The following ATRX variants were observed in gnomAD, a reference collection of about 807,000 sequenced individuals.
ATRX encodes the protein ATRX chromatin remodeler.
Under a neutral mutation model 172.6 loss-of-function variants are expected in ATRX, and 12 were observed. The observed-to-expected ratio is 0.07, with a 90% confidence interval of 0.04 to 0.11. ATRX has a LOEUF of 0.11. ATRX is among the 10% of genes least tolerant of loss of function. The pLI, the probability that ATRX is intolerant of heterozygous loss-of-function variation, is 1.00. For missense variants in ATRX, 1,368 were observed against 1,767.4 expected (o/e 0.77, Z 4.05); for synonymous variants, 674 against 594.7 (o/e 1.13, Z -1.94).
chrX:77,553,443 G>A (rs1207083828), intron 30 of ATRX, among the ~76,000 whole-genome samples: 2 of 111,101 alleles, frequency 1.8e-5, no homozygotes, highest in East Asian at 2.8e-4. Context: ...AAAATGTGAC[G>A]GTAGTCTCTT....
At chrX:77,517,403 A>G (rs2059180599) in intron 34 of ATRX, among the ~76,000 whole-genome samples, 1 of 111,725 alleles carries the variant, frequency 9.0e-6, no homozygotes, top group Non-Finnish European at 1.9e-5. Context: ...AACTACATGC[A>G]AAAAATTGGA....
chrX:77,778,539 G>A (rs1319609202), intron 1 of ATRX, among the ~76,000 whole-genome samples: 2 of 109,739 alleles, frequency 1.8e-5, no homozygotes, highest in Non-Finnish European at 3.8e-5. Flanking sequence ...TGGCCAACAC[G>A]GTGAAATCCC....
chrX:77,698,844 G>A (rs978894243), intron 2 of ATRX: 6 of 436,892 alleles, frequency 1.4e-5, no homozygotes, highest in Non-Finnish European at 2.5e-5. Context: ...TGAAATCTCT[G>A]TAAAGATTAC....
intron 22 of ATRX, among the ~76,000 whole-genome samples, chrX:77,610,470 G>A (rs782002029): frequency 4.5e-5 from 5 of 111,697 alleles, no homozygotes; most frequent in Non-Finnish European, 9.4e-5. Context: ...GAGATCTTGA[G>A]ACGTGGTTGA....
chrX:77,684,712 T>G (rs2071456430), intron 8 of ATRX, 119 bp from the exon 9 acceptor site: 3 of 922,176 alleles, frequency 3.3e-6, no homozygotes, highest in Non-Finnish European at 4.5e-6. Context: ...TTTGTTATAA[T>G]GCAATTTAAA....
intron 30 of ATRX, among the ~76,000 whole-genome samples, chrX:77,550,905 C>A (rs1421316202): frequency 1.8e-5 from 2 of 111,509 alleles, no homozygotes; most frequent in African/African-American, 6.5e-5. Flanking sequence ...ATCCAACTTA[C>A]AAGGGATGTG....
intron 1 of ATRX, among the ~76,000 whole-genome samples, chrX:77,777,531 G>C (rs1455872766): frequency 8.9e-6 from 1 of 112,001 alleles, no homozygotes; most frequent in African/African-American, 3.2e-5. Flanking sequence ...TTTGTCGTAT[G>C]CTTCAAATTG....
At chrX:77,591,980 T>C (rs782307065) in intron 26 of ATRX, among the ~76,000 whole-genome samples, 5 of 112,127 alleles carry the variant, frequency 4.5e-5, no homozygotes, top group African/African-American at 6.5e-5. Flanking sequence ...TAGGATTAAA[T>C]GTCTATACTA....
At chrX:77,698,720 A>C in intron 2 of ATRX, 91 bp from the exon 3 acceptor site, 1 of 714,440 alleles carries the variant, frequency 1.4e-6, no homozygotes, top group East Asian at 3.3e-5. Flanking sequence ...ACCCATTCTC[A>C]CACTATGAAG....
intron 1 of ATRX, among the ~76,000 whole-genome samples, chrX:77,731,422 T>C (rs2034725966): frequency 9.0e-6 from 1 of 111,693 alleles, no homozygotes; most frequent in Non-Finnish European, 1.9e-5. Context: ...GATCTAATAC[T>C]GATAGAGGCA....
intron 1 of ATRX, among the ~76,000 whole-genome samples, chrX:77,745,314 T>C (rs1387791517): frequency 9.2e-6 from 1 of 108,590 alleles, no homozygotes; most frequent in East Asian, 2.9e-4. Flanking sequence ...CTATTCACAA[T>C]AACCAAGATT....
intron 15 of ATRX, among the ~76,000 whole-genome samples, chrX:77,650,986 A>G (rs1487658957): frequency 2.7e-5 from 3 of 111,377 alleles, no homozygotes; most frequent in African/African-American, 9.8e-5. Flanking sequence ...ATCTTTTAAC[A>G]ATACATTCCC....
intron 12 of ATRX, among the ~76,000 whole-genome samples, chrX:77,661,323 T>C (rs2069881053): frequency 8.9e-6 from 1 of 111,739 alleles, no homozygotes; most frequent in Non-Finnish European, 1.9e-5. Flanking sequence ...GTGTGGTTTG[T>C]GAGTTATATC....
At chrX:77,666,257 A>G (rs1245225040) in intron 10 of ATRX, among the ~76,000 whole-genome samples, 1 of 112,022 alleles carries the variant, frequency 8.9e-6, no homozygotes, top group African/African-American at 3.2e-5. Flanking sequence ...ATTTCAATAA[A>G]GTGAAGATTA....
chrX:77,710,065 G>A (rs937460603), intron 2 of ATRX, among the ~76,000 whole-genome samples: 1 of 109,575 alleles, frequency 9.1e-6, no homozygotes, highest in Non-Finnish European at 1.9e-5. Context: ...TTGGGAGGCC[G>A]AGGTGGGTGG....
intron 34 of ATRX, among the ~76,000 whole-genome samples, chrX:77,513,118 C>A (rs1230466374): frequency 9.2e-6 from 1 of 108,693 alleles, no homozygotes; most frequent in Non-Finnish European, 1.9e-5. Flanking sequence ...GAGACTGAGA[C>A]CATCCTGGTT....
chrX:77,707,480 C>G (rs1557157714), intron 2 of ATRX, among the ~76,000 whole-genome samples: 1 of 112,524 alleles, frequency 8.9e-6, no homozygotes, highest in Non-Finnish European at 1.9e-5. Context: ...CACGGTGGCT[C>G]ACGCCTGTAA....
intron 13 of ATRX, among the ~76,000 whole-genome samples, chrX:77,654,672 G>C (rs182272115): frequency 3.2e-4 from 36 of 111,859 alleles, no homozygotes; most frequent in Admixed American, 9.5e-5. Context: ...TGTCAGTAAG[G>C]ATGTGGAGAA....
At chrX:77,513,156 A>G (rs911505285) in intron 34 of ATRX, among the ~76,000 whole-genome samples, 1 of 107,781 alleles carries the variant, frequency 9.3e-6, no homozygotes, top group South Asian at 4.2e-4. Context: ...TCTCTACTAA[A>G]AATACAAAAA....
Sources: allele counts gnomAD v4.1 joint callset (sites outside exome capture counted in the v4.1 genomes callset), GRCh38; gene constraint gnomAD v4.1.1; transcripts MANE v1.5; gene names NCBI Gene and HGNC (gene_info 2026-07-23, HGNC 2026-07-21).